FOXN3: variants seen among roughly 807,000 people sequenced by gnomAD.
The protein encoded by FOXN3 is forkhead box protein N3.
Under a neutral mutation model 38.4 loss-of-function variants are expected in FOXN3, and 7 were observed. The ratio of observed to expected loss-of-function variants is 0.18; its 90% CI spans 0.10 to 0.34. FOXN3 has a LOEUF of 0.34. FOXN3 is among the 10% of genes least tolerant of loss of function. The probability of loss-of-function intolerance (pLI) is 1.00; values close to 1 mark genes in which losing one functional copy is unlikely to be tolerated. For missense variants in FOXN3, 456 were observed against 613.4 expected, an observed-to-expected ratio of 0.74 and a Z score of 2.71; for synonymous variants, 230 against 242.2, an observed-to-expected ratio of 0.95 and a Z score of 0.47.
intron 2 of FOXN3, among the ~76,000 whole-genome samples, chr14:89,357,813 G>A (rs935909902): frequency 6.6e-6 from 1 of 152,140 alleles, no homozygotes; most frequent in African/African-American, 2.4e-5. Flanking sequence ...TGATGCAATT[G>A]CCTAACGACG....
intron 4 of FOXN3, among the ~76,000 whole-genome samples, chr14:89,191,379 G>C (rs1887937098): frequency 6.6e-6 from 1 of 152,142 alleles, no homozygotes; most frequent in Non-Finnish European, 1.5e-5. Flanking sequence ...GTGATGCCGC[G>C]TGACAGAAGC....
At chr14:89,187,789 G>A (rs1465320611) in intron 4 of FOXN3, among the ~76,000 whole-genome samples, 1 of 152,162 alleles carries the variant, frequency 6.6e-6, no homozygotes, top group East Asian at 1.9e-4. Context: ...GGCTTCCCAA[G>A]TGCACAGAGA....
chr14:89,581,430 C>T (rs994886232), intron 1 of FOXN3, among the ~76,000 whole-genome samples: 1 of 150,778 alleles, frequency 6.6e-6, no homozygotes, highest in Admixed American at 6.6e-5. Flanking sequence ...TGCAGTGAGC[C>T]AAGATCGTGC....
Position 89,381,145 on chromosome 14 carries a change from C to CAAAA in FOXN3, c.544-30341_544-30338dup, listed in dbSNP as rs71130067. The stretch of plus-strand genomic sequence containing the variant: ...CAACAGAGTGAGACTCCCTCCGTCT[C>CAAAA]AAAAAAAAAAAAAAAAAAAAAAAAG... On this transcript the variant is annotated intron_variant, in intron 2 of 5. Coordinates refer to ENST00000557258, the MANE Select transcript of FOXN3 (RefSeq NM_005197.4). Among the ~76,000 whole-genome samples, 69 of 64,170 alleles carry CAAAA rather than the reference C, an allele frequency of 1.1e-3. 1 individual carries two copies. Among genetic ancestry groups the CAAAA allele is most frequent in the East Asian group, 4.0e-3 (6 of 1,510 alleles). The allele number at this position is 64,170 out of a possible 152,430, so 42.1% of individuals were successfully genotyped here.
At chr14:89,506,465 C>A (rs1226143477) in intron 1 of FOXN3, among the ~76,000 whole-genome samples, 1 of 143,994 alleles carries the variant, frequency 6.9e-6, no homozygotes, top group African/African-American at 2.6e-5. Flanking sequence ...GGGGGTCAGC[C>A]CCCCACCCGG....
rs922290301 is a variant in FOXN3 at position 89,202,778 on chromosome 14, C to A, written c.746-21972G>T. On this transcript the variant is annotated intron_variant, in intron 4 of 5. Coordinates refer to ENST00000557258, the MANE Select transcript of FOXN3 (RefSeq NM_005197.4). The stretch of plus-strand genomic sequence containing the variant: ...CCGCATTTCGCATGAGTGGAGTAGT[C>A]TCAGATCTCCATCAGAAGCTGGTGC... 2.5e-4 allele frequency among the ~76,000 whole-genome samples: 38 copies of A among 152,290 alleles called. 1 individual carries two copies. Among genetic ancestry groups the A allele is most frequent in the Non-Finnish European group, 2.9e-4 (20 of 68,024 alleles).
rs1230983387 is a variant in FOXN3, at chr14:89,164,458, C to T, written c.852-1489G>A. On this transcript the variant is annotated intron_variant, in intron 5 of 5. Transcript: ENST00000557258. This position sits in a 1 kb window ranked among gnomAD's most constrained non-coding sequence, Gnocchi z 4.3. ...ACCATACTTTTCCTGCCTAGATGAC[C>T]CCAACTGTAAGTACTCTTACATCCC... Among the ~76,000 whole-genome samples the T allele has an allele frequency of 1.3e-5, 2 of 152,242 alleles. No individual in the cohort carries two copies. The highest frequency in any genetic ancestry group is 4.8e-5 in the African/African-American group (2 of 41,536).
chr14:89,166,769 C>A (rs545977522), intron 5 of FOXN3, among the ~76,000 whole-genome samples: 6 of 152,288 alleles, frequency 3.9e-5, no homozygotes, highest in African/African-American at 1.4e-4. Context: ...CCATAAGTTA[C>A]ACACAAAACT....
chr14:89,416,457 C>G (rs895088538), intron 1 of FOXN3, among the ~76,000 whole-genome samples: 1 of 152,132 alleles, frequency 6.6e-6, no homozygotes, highest in Non-Finnish European at 1.5e-5. Flanking sequence ...CGGGGGTCTC[C>G]GGAGACGTTC....
chr14:89,232,008 C>A (rs567666197), intron 4 of FOXN3, among the ~76,000 whole-genome samples: 1 of 152,182 alleles, frequency 6.6e-6, no homozygotes, highest in South Asian at 2.1e-4. Flanking sequence ...TGCGGGAAGG[C>A]GTGGAGCTAA....
intron 1 of FOXN3, among the ~76,000 whole-genome samples, chr14:89,614,969 C>T (rs1331438028): frequency 2.6e-5 from 4 of 152,196 alleles, no homozygotes; most frequent in African/African-American, 9.7e-5. Context: ...GAATTTGAAA[C>T]ATCTAGGAAT....
intron 4 of FOXN3, among the ~76,000 whole-genome samples, chr14:89,273,285 G>C (rs376507021): frequency 6.6e-5 from 10 of 152,162 alleles, no homozygotes; most frequent in African/African-American, 2.2e-4. Flanking sequence ...CCTGAAACAT[G>C]AGATTAAGCC....
At chr14:89,503,619 G>A (rs1182068439) in intron 1 of FOXN3, among the ~76,000 whole-genome samples, 2 of 152,170 alleles carry the variant, frequency 1.3e-5, no homozygotes, top group Non-Finnish European at 2.9e-5. Flanking sequence ...GCAACCACAC[G>A]TTTTATAGAT....
At chr14:89,368,460 T>C (rs1266220521) in intron 2 of FOXN3, among the ~76,000 whole-genome samples, 3 of 151,040 alleles carry the variant, frequency 2.0e-5, no homozygotes, top group Admixed American at 6.6e-5. Flanking sequence ...CTGGGCAACA[T>C]AGTGAAACCC....
intron 3 of FOXN3, among the ~76,000 whole-genome samples, chr14:89,285,753 C>T (rs764516345): frequency 4.6e-5 from 7 of 151,624 alleles, no homozygotes; most frequent in Admixed American, 1.3e-4. Context: ...TTTTACAAGA[C>T]GAAAAGAGTT....
intron 4 of FOXN3, among the ~76,000 whole-genome samples, chr14:89,183,469 G>A (rs1262377562): frequency 6.6e-6 from 1 of 152,142 alleles, no homozygotes; most frequent in Non-Finnish European, 1.5e-5. Context: ...GGGAGATAGA[G>A]CGAGAGAGAG....
chr14:89,561,047 G>T (rs7147680), intron 1 of FOXN3, among the ~76,000 whole-genome samples: 1 of 152,136 alleles, frequency 6.6e-6, no homozygotes, highest in Non-Finnish European at 1.5e-5. Flanking sequence ...AATACAGAAC[G>T]GCTTCTACCT....
At chr14:89,193,215 C>T (rs1026057361) in intron 4 of FOXN3, among the ~76,000 whole-genome samples, 18 of 152,110 alleles carry the variant, frequency 1.2e-4, no homozygotes, top group Middle Eastern at 3.4e-3. Context: ...AAGTTTTTCT[C>T]GGTGGCCAGG....
intron 1 of FOXN3, among the ~76,000 whole-genome samples, chr14:89,546,329 C>CTTTTTTTTTTTTTTTTTTTTTTTTTTTT (rs1157998619): frequency 1.3e-5 from 1 of 78,314 alleles, no homozygotes; most frequent in Non-Finnish European, 2.3e-5. Context: ...TTTCCTTTTT[C>CTTTTTTTTTTTTTTTTTTTTTTTTTTTT]TTTTTTTTTT....
Sources: allele counts gnomAD v4.1 joint callset (sites outside exome capture counted in the v4.1 genomes callset), GRCh38; gene constraint gnomAD v4.1.1; non-coding constraint Gnocchi (gnomAD v3.1); transcripts MANE v1.5; gene names NCBI Gene and HGNC (gene_info 2026-07-23, HGNC 2026-07-21).